The following COLGALT1 variants were observed in gnomAD, a reference collection of about 807,000 sequenced individuals.
COLGALT1 encodes procollagen galactosyltransferase 1.
COLGALT1 carries 43 observed loss-of-function variants against 60.8 expected under a neutral mutation model. The ratio of observed to expected loss-of-function variants is 0.71; its 90% confidence interval spans 0.55 to 0.91. The LOEUF is 0.91. Among genes scored for constraint, COLGALT1 ranks in the 40% least tolerant of loss-of-function variants. The probability of loss-of-function intolerance (pLI) is 0.00; values close to 1 mark genes in which losing one functional copy is unlikely to be tolerated. For synonymous variants in COLGALT1, 369 were observed against 374.2 expected (o/e 0.99, Z 0.16); for missense variants, 845 against 880.0 (o/e 0.96, Z 0.50).
intron 2 of COLGALT1, among the ~76,000 whole-genome samples, chr19:17,559,718 C>T (rs945183877): frequency 1.3e-5 from 2 of 152,132 alleles, no homozygotes; most frequent in African/African-American, 4.8e-5. Flanking sequence ...CCAGCACTGG[C>T]TTTGCTGTTT....
rs1568483195 is a variant in COLGALT1 at position 17,581,041 on chromosome 19, A to G, written c.1601+136A>G. On this transcript the variant is annotated intron_variant, in intron 11 of 11. Transcript: ENST00000252599. ...TCTCCCTCCGTTTGCCCCCTCGCAG[A>G]TCTGTCTCCATTTGTATCCCCTGCA... 9 of 1,378,966 alleles carry G rather than the reference A, an allele frequency of 6.5e-6. 1 individual carries two copies. The South Asian group carries it at 8.7e-5, about 13-fold the overall frequency. 85.4% of individuals were successfully genotyped at this position (1,378,966 alleles called of 1,614,324 possible). A position where few individuals can be genotyped will look rare whatever the true frequency, so the allele number is the denominator to read the frequency against.
At position 17,561,676 on chromosome 19, in the gene COLGALT1, T is replaced by C. The variant is rs1045396466; in HGVS notation, c.489+1211T>C. Among the ~76,000 whole-genome samples, 3 of 149,924 alleles carry C rather than the reference T, an allele frequency of 2.0e-5. No individual in the cohort carries two copies. In the Admixed American group the frequency reaches 2.0e-4, roughly 10 times the overall value. On this transcript the variant is annotated intron_variant, in intron 3 of 11. Transcript: ENST00000252599. The stretch of plus-strand genomic sequence containing the variant: ...AAAAAACAGACTTATAGGTTGAATA[T>C]TACTATTATTTTTTAATTTGTATAA...
chr19:17,579,262 G>C (rs375493930), intron 9 of COLGALT1, among the ~76,000 whole-genome samples: 4 of 152,176 alleles, frequency 2.6e-5, no homozygotes, highest in Admixed American at 6.5e-5. Context: ...TGCATGAGGC[G>C]TGGGCATTTG....
intron 3 of COLGALT1, 91 bp from the exon 4 acceptor site, chr19:17,567,315 A>G: frequency 4.5e-6 from 7 of 1,552,982 alleles, no homozygotes; most frequent in Non-Finnish European, 5.2e-6. Flanking sequence ...GGTCTTTGCC[A>G]GACCCCCAGG....
rs765093060 is a variant in COLGALT1 at position 17,578,061 on chromosome 19, T to G, written c.1238T>G (p.Phe413Cys). 2.4e-5 allele frequency: 39 copies of G among 1,610,662 alleles called. No individual in the cohort carries two copies. In the Admixed American group the frequency reaches 4.0e-4, roughly 17 times the overall value. Reference sequence around the variant, plus strand: ...CTCACCAAGGGTGAGCTGGGCTGCTTCCTGAGCCACTACAACATCTGGAAG... The same window carrying G: ...CTCACCAAGGGTGAGCTGGGCTGCTGCCTGAGCCACTACAACATCTGGAAG... The part of the protein sequence containing the change: ...RPLTKGELGC[F>C]LSHYNIWKEV... Residue 413 changes from phenylalanine (F) to cysteine (C), a missense_variant, in exon 9 of 12, where the codon TTC (phenylalanine) becomes TGC (cysteine). Phe to Cys is a radical substitution (Grantham distance 205). Coordinates refer to ENST00000252599, the MANE Select transcript of COLGALT1 (RefSeq NM_024656.4).
intron 2 of COLGALT1, 51 bp downstream of exon 2, chr19:17,559,472 C>A: frequency 1.4e-6 from 2 of 1,386,170 alleles, no homozygotes; most frequent in Non-Finnish European, 2.0e-6. Flanking sequence ...CCTCTGCTCA[C>A]ACACCCTCTA....
At chr19:17,568,905 G>T (rs1454008792) in intron 5 of COLGALT1, among the ~76,000 whole-genome samples, 192 bp downstream of exon 5, 2 of 152,162 alleles carry the variant, frequency 1.3e-5, no homozygotes, top group African/African-American at 4.8e-5. Context: ...CCCTGGCTTT[G>T]CTGGTTAGCT....
chr19:17,580,680 G>A lies in COLGALT1; in HGVS notation c.1395-19G>A. ...CCGGAGGGCGGGAGGAGAGTGACAGGCCCGATCTTGCACCCCAGCTATGTG... is the reference window on the plus strand; with the variant it reads ...CCGGAGGGCGGGAGGAGAGTGACAGACCCGATCTTGCACCCCAGCTATGTG... On this transcript the variant is annotated intron_variant, in intron 10 of 11. Transcript: ENST00000252599. 1.2e-6 allele frequency: 2 copies of A among 1,613,306 alleles called. No homozygotes were observed. The highest frequency in any genetic ancestry group is 1.7e-6 in the Non-Finnish European group (2 of 1,179,834).
At chr19:17,564,808 T>C (rs1488611134) in intron 3 of COLGALT1, among the ~76,000 whole-genome samples, 1 of 152,178 alleles carries the variant, frequency 6.6e-6, no homozygotes, top group Admixed American at 6.6e-5. Flanking sequence ...TATATATTTA[T>C]TTGTTTTGCA....
At chr19:17,578,139 C>G (rs756914864) in intron 9 of COLGALT1, 50 bp downstream of exon 9, 1 of 1,495,882 alleles carries the variant, frequency 6.7e-7, no homozygotes, top group South Asian at 1.3e-5. Flanking sequence ...TAGATCTCAT[C>G]GGAGATTTGG....
chr19:17,572,745 A>G (rs1465624296), intron 6 of COLGALT1, 143 bp downstream of exon 6: 10 of 1,231,512 alleles, frequency 8.1e-6, no homozygotes, highest in Non-Finnish European at 9.0e-6. Context: ...GCACGTGTGA[A>G]CGAGGTGGAG....
intron 3 of COLGALT1, 75 bp downstream of exon 3, chr19:17,560,540 GC>G: frequency 8.5e-7 from 1 of 1,171,904 alleles, no homozygotes; most frequent in Non-Finnish European, 1.3e-6. Flanking sequence ...GCAGCAGGAT[GC>G]CAGGACCATC....
intron 7 of COLGALT1, 28 bp downstream of exon 7, chr19:17,577,299 G>A: frequency 1.2e-6 from 2 of 1,611,824 alleles, no homozygotes; most frequent in South Asian, 1.1e-5. Flanking sequence ...TGGAGGCGGG[G>A]CGGGGGCTGG....
chr19:17,569,406 A>G (rs761013053), intron 5 of COLGALT1, among the ~76,000 whole-genome samples: 2 of 151,436 alleles, frequency 1.3e-5, no homozygotes, highest in Admixed American at 1.3e-4. Flanking sequence ...TGTTATTTCA[A>G]TCTTCATACT....
intron 5 of COLGALT1, among the ~76,000 whole-genome samples, chr19:17,571,356 G>A (rs999178964): frequency 9.2e-5 from 14 of 151,834 alleles, no homozygotes; most frequent in Non-Finnish European, 1.8e-4. Context: ...GGCAGTGAAC[G>A]GAGATCACAC....
At chr19:17,564,416 T>C (rs1256119077) in intron 3 of COLGALT1, among the ~76,000 whole-genome samples, 26 of 143,200 alleles carry the variant, frequency 1.8e-4, no homozygotes, top group African/African-American at 6.6e-4. Context: ...ACATCTACTT[T>C]TTTTTTTTTT....
chr19:17,574,678 A>C (rs909985148), intron 6 of COLGALT1, among the ~76,000 whole-genome samples: 1 of 152,098 alleles, frequency 6.6e-6, no homozygotes, highest in Middle Eastern at 3.4e-3. Flanking sequence ...AGACTGCACA[A>C]TCACTGGGGC....
chr19:17,567,485 C>G lies in COLGALT1; in HGVS notation c.569C>G (p.Pro190Arg), dbSNP rs773961516. Residue 190 changes from proline to arginine, a missense_variant, in exon 4 of 12, where the codon CCC (proline) becomes CGC (arginine). Coordinates refer to ENST00000252599, the MANE Select transcript of COLGALT1 (RefSeq NM_024656.4). ...GCTGAGAACAAGACGGTGGTCGCCC[C>G]CATGCTGGATTCCCGGGCTGCGTAC... ...LIAENKTVVA[P>R]MLDSRAAYSN... is the part of the protein sequence containing the mutation. 6.2e-7 allele frequency: 1 copy of G among 1,613,988 alleles called. No homozygotes were observed. The highest frequency in any genetic ancestry group is 1.1e-5 in the South Asian group (1 of 91,062).
intron 1 of COLGALT1, chr19:17,556,456 TG>T: frequency 1.2e-6 from 1 of 800,036 alleles, no homozygotes; most frequent in Non-Finnish European, 1.5e-6. Context: ...GAACTCAGCC[TG>T]GCTCCAGGCC....
Sources: allele counts gnomAD v4.1 joint callset (sites outside exome capture counted in the v4.1 genomes callset), GRCh38; gene constraint gnomAD v4.1.1; transcripts MANE v1.5; gene names NCBI Gene and HGNC (gene_info 2026-07-23, HGNC 2026-07-21).